TMEM74: variants seen among roughly 807,000 people sequenced by gnomAD.
TMEM74 encodes the protein transmembrane protein 74.
TMEM74 carries 13 observed loss-of-function variants against 18.1 expected under a neutral mutation model. The ratio of observed to expected loss-of-function variants is 0.72; its 90% CI spans 0.47 to 1.14. The LOEUF (loss-of-function observed/expected upper bound fraction) is 1.14, where lower values mean the gene tolerates loss of function less well. Among genes scored for constraint, TMEM74 ranks in the 50% most tolerant of loss-of-function variants. The pLI, the probability that TMEM74 is intolerant of heterozygous loss-of-function variation, is 0.00. For missense variants in TMEM74, 372 were observed against 375.9 expected (o/e 0.99, Z 0.09); for synonymous variants, 159 against 146.6 (o/e 1.08, Z -0.61).
At chr8:108,756,604 A>AGAAACGG (rs1813967381) in intron 1 of TMEM74, among the ~76,000 whole-genome samples, 1 of 40,306 alleles carries the variant, frequency 2.5e-5, no homozygotes, top group Admixed American at 2.4e-4. Context: ...AAGAGAAAGG[A>AGAAACGG]AGGAAGGAAG....
rs1374537383 is a variant in TMEM74, at chr8:108,783,188, C to G, written c.*993G>C. ...GCTTGGCCTACAGCAAGTGATACAGCCTGCGAGGCACAGTCCCCAAAAGTC... is the reference window on the plus strand; with the variant it reads ...GCTTGGCCTACAGCAAGTGATACAGGCTGCGAGGCACAGTCCCCAAAAGTC... On this transcript the variant is annotated 3_prime_UTR_variant, in exon 2 of 2. Transcript: ENST00000297459. 1.3e-5 allele frequency among the ~76,000 whole-genome samples: 2 copies of G among 152,124 alleles called. No homozygotes were observed. Among genetic ancestry groups the G allele is most frequent in the Non-Finnish European group, 2.9e-5 (2 of 68,030 alleles).
chr8:108,775,402 G>T (rs1029406046), downstream of TMEM74, among the ~76,000 whole-genome samples: 1 of 152,158 alleles, frequency 6.6e-6, no homozygotes, highest in African/African-American at 2.4e-5. Flanking sequence ...CAAGTTTGGG[G>T]ACTCAAATGT....
At chr8:108,651,505 G>A (rs1713533750) in intron 2 of TMEM74, among the ~76,000 whole-genome samples, 1 of 152,030 alleles carries the variant, frequency 6.6e-6, no homozygotes, top group Non-Finnish European at 1.5e-5. Flanking sequence ...AACACAAGAT[G>A]GAATGAATGC....
intron 1 of TMEM74, among the ~76,000 whole-genome samples, chr8:108,696,956 C>T (rs1039087873): frequency 3.9e-5 from 6 of 152,122 alleles, no homozygotes; most frequent in Non-Finnish European, 5.9e-5. Flanking sequence ...AAGATTTCTG[C>T]GGCTAGTCCA....
intron 1 of TMEM74, among the ~76,000 whole-genome samples, chr8:108,765,064 C>T (rs1357497070): frequency 1.3e-5 from 2 of 152,118 alleles, no homozygotes; most frequent in African/African-American, 4.8e-5. Flanking sequence ...CATTTTCAGG[C>T]ACACAACTTC....
intron 1 of TMEM74, among the ~76,000 whole-genome samples, chr8:108,687,483 T>G (rs932673301): frequency 3.6e-4 from 55 of 152,004 alleles, no homozygotes; most frequent in African/African-American, 1.3e-3. Flanking sequence ...GTCGAGGATG[T>G]TTTCGGGATG....
intron 1 of TMEM74, among the ~76,000 whole-genome samples, chr8:108,760,795 G>T (rs1814035075): frequency 6.6e-6 from 1 of 151,970 alleles, no homozygotes. Context: ...ACCTGTGAGT[G>T]CTACAACCCC....
At chr8:108,629,569 A>C (rs538920801) in intron 2 of TMEM74, among the ~76,000 whole-genome samples, 8 of 152,192 alleles carry the variant, frequency 5.3e-5, no homozygotes, top group African/African-American at 1.9e-4. Flanking sequence ...AAAAATTATT[A>C]AGGGCAGCCA....
intron 1 of TMEM74, among the ~76,000 whole-genome samples, chr8:108,666,045 G>A (rs1254951588): frequency 6.6e-6 from 1 of 152,140 alleles, no homozygotes; most frequent in Non-Finnish European, 1.5e-5. Context: ...ATAGAAGACT[G>A]TGGAGGGAGA....
At chr8:108,765,244 C>A (rs1386451228) in intron 1 of TMEM74, among the ~76,000 whole-genome samples, 1 of 152,084 alleles carries the variant, frequency 6.6e-6, no homozygotes, top group East Asian at 1.9e-4. Context: ...GTCTGACAAA[C>A]CTGCCTTACT....
At chr8:108,756,235 A>G (rs543723429) in intron 1 of TMEM74, among the ~76,000 whole-genome samples, 2 of 152,144 alleles carry the variant, frequency 1.3e-5, no homozygotes, top group African/African-American at 4.8e-5. Flanking sequence ...AGGTTTTACT[A>G]TGTGTATAAA....
At chr8:108,718,249 C>T (rs112877711) in intron 1 of TMEM74, among the ~76,000 whole-genome samples, 3,209 of 72,160 alleles carry the variant, frequency 0.044, 564 homozygotes, top group Admixed American at 0.12. Flanking sequence ...TGAGCCACCG[C>T]GCCCGGCCCT....
At chr8:108,622,192 C>T (rs866965393) in intron 2 of TMEM74, among the ~76,000 whole-genome samples, 1 of 152,080 alleles carries the variant, frequency 6.6e-6, no homozygotes, top group Non-Finnish European at 1.5e-5. Context: ...TAGGTACCCT[C>T]AGAACTTCAC....
chr8:108,786,000 C>G (rs1366150342), intron 1 of TMEM74, among the ~76,000 whole-genome samples: 1 of 152,164 alleles, frequency 6.6e-6, no homozygotes, highest in Non-Finnish European at 1.5e-5. Context: ...TCTGCTACTC[C>G]CGTTCCCTGG....
Position 108,783,533 on chromosome 8 carries a change from A to G in TMEM74, c.*648T>C, listed in dbSNP as rs1814334572. 1 of 152,196 alleles carries G rather than the reference A, an allele frequency of 6.6e-6. No homozygotes were observed. The highest frequency in any genetic ancestry group is 1.5e-5 in the Non-Finnish European group (1 of 68,050). The allele number at this position is 152,196 out of a possible 1,614,324, so 9.4% of individuals were successfully genotyped here. ...GGTTTAAATTCACATTGGTCTTACA[A>G]TGATTTACATAATTTTTTTTTATTA... On this transcript the variant is annotated 3_prime_UTR_variant, in exon 2 of 2. Transcript: ENST00000297459.
intron 2 of TMEM74, among the ~76,000 whole-genome samples, chr8:108,650,885 A>G (rs1348677650): frequency 6.6e-6 from 1 of 151,840 alleles, no homozygotes. Context: ...TAATTTTTGT[A>G]TTTTTAGTAG....
At chr8:108,653,991 A>G (rs1015013745) in intron 2 of TMEM74, among the ~76,000 whole-genome samples, 1 of 152,194 alleles carries the variant, frequency 6.6e-6, no homozygotes, top group African/African-American at 2.4e-5. Context: ...TGTATTGCTT[A>G]TACAATTTAC....
chr8:108,765,935 G>A (rs1043701614), intron 1 of TMEM74, among the ~76,000 whole-genome samples: 1 of 151,952 alleles, frequency 6.6e-6, no homozygotes, highest in Non-Finnish European at 1.5e-5. Context: ...AAAAAAAAGT[G>A]TGTAAGAACC....
chr8:108,631,878 T>G (rs1812556383), intron 2 of TMEM74, among the ~76,000 whole-genome samples: 1 of 151,900 alleles, frequency 6.6e-6, no homozygotes, highest in Non-Finnish European at 1.5e-5. Flanking sequence ...GTGTAGATAG[T>G]TAGATTAAAT....
Sources: gnomAD v4.1 joint callset for allele counts (sites outside exome capture counted in the v4.1 genomes callset) on GRCh38, gnomAD v4.1.1 for gene constraint, MANE v1.5 for transcripts, NCBI Gene and HGNC (gene_info 2026-07-23, HGNC 2026-07-21) for gene names.